GAL3ST1: variants seen among roughly 807,000 people sequenced by gnomAD.
The protein encoded by GAL3ST1 is galactose-3-O-sulfotransferase 1.
Under a neutral mutation model 25.0 loss-of-function variants are expected in GAL3ST1, and 13 were observed. That is an observed-to-expected ratio of 0.52 (90% CI 0.34 to 0.83). GAL3ST1 has a LOEUF of 0.83. Ranked by LOEUF, GAL3ST1 falls within the 40% of genes least tolerant of loss-of-function variation. The pLI is 0.02. For missense variants in GAL3ST1, 474 were observed against 613.6 expected (o/e 0.77, Z 2.40); for synonymous variants, 274 against 277.8 (o/e 0.99, Z 0.14).
chr22:30,573,022 C>A (rs1366910123), intron 1 of GAL3ST1, among the ~76,000 whole-genome samples: 1 of 152,150 alleles, frequency 6.6e-6, no homozygotes, highest in East Asian at 1.9e-4. Flanking sequence ...GGGGACCAGG[C>A]ATTCTCTGTC....
chr22:30,572,394 C>T (rs1045688132), intron 1 of GAL3ST1, among the ~76,000 whole-genome samples: 2 of 152,216 alleles, frequency 1.3e-5, no homozygotes, highest in Non-Finnish European at 2.9e-5. Flanking sequence ...CCACCACCCC[C>T]CAAGCTGGGT....
At chr22:30,565,432 C>G (rs2086592206) in intron 1 of GAL3ST1, among the ~76,000 whole-genome samples, 1 of 152,170 alleles carries the variant, frequency 6.6e-6, no homozygotes, top group African/African-American at 2.4e-5. Context: ...AACTCCAGGG[C>G]TTAAAGATGC....
intron 1 of GAL3ST1, among the ~76,000 whole-genome samples, chr22:30,567,205 C>T (rs747475250): frequency 6.6e-6 from 1 of 152,072 alleles, no homozygotes; most frequent in African/African-American, 2.4e-5. Flanking sequence ...ATTAAAAGAA[C>T]CCCAACCCCA....
chr22:30,568,509 T>A (rs2086690596), intron 1 of GAL3ST1, among the ~76,000 whole-genome samples: 1 of 152,160 alleles, frequency 6.6e-6, no homozygotes, highest in East Asian at 1.9e-4. Flanking sequence ...TCTTTGCATC[T>A]CCACCCACCA....
intron 3 of GAL3ST1, among the ~76,000 whole-genome samples, chr22:30,556,723 T>G (rs2086053316): frequency 1.3e-5 from 2 of 152,028 alleles, no homozygotes; most frequent in South Asian, 4.2e-4. Context: ...GCTCTGGGTT[T>G]TTTTTGTTTG....
chr22:30,570,929 G>C (rs895491173), intron 1 of GAL3ST1, among the ~76,000 whole-genome samples: 1 of 151,604 alleles, frequency 6.6e-6, no homozygotes, highest in Middle Eastern at 3.2e-3. Flanking sequence ...TAGCTCTCTG[G>C]GGAGTAAGCC....
intron 1 of GAL3ST1, among the ~76,000 whole-genome samples, chr22:30,562,250 C>T (rs2086454794): frequency 6.6e-6 from 1 of 152,094 alleles, no homozygotes; most frequent in South Asian, 2.1e-4. Flanking sequence ...AGATGGGGGT[C>T]TCACTCTACT....
intron 1 of GAL3ST1, among the ~76,000 whole-genome samples, chr22:30,561,925 A>T (rs1053700734): frequency 1.3e-5 from 2 of 152,196 alleles, no homozygotes; most frequent in Non-Finnish European, 2.9e-5. Flanking sequence ...ATGGACACAC[A>T]ACAGCAAGAT....
rs773707083 is a variant in GAL3ST1 at position 30,555,587 on chromosome 22, T to A, written c.638A>T (p.Tyr213Phe). 1.2e-6 allele frequency: 2 copies of A among 1,613,064 alleles called. No homozygotes were observed. Among genetic ancestry groups the A allele is most frequent in the Admixed American group, 3.3e-5 (2 of 59,986 alleles). Residue 213 changes from tyrosine (Y) to phenylalanine (F), a missense_variant, in exon 4 of 4, where the codon TAC (tyrosine) becomes TTC (phenylalanine). By Grantham distance (22) the Tyr-to-Phe change is conservative. Transcript: ENST00000406361. The surrounding 1 kb of genome is among the most constrained non-coding windows in gnomAD (Gnocchi z 8.6). ...GTCGAAGAAGAGCAGGTTTCGGAGGTAGTGGGCATTGAAGCCGTTGGGGTC... is the reference window on the plus strand; with the variant it reads ...GTCGAAGAAGAGCAGGTTTCGGAGGAAGTGGGCATTGAAGCCGTTGGGGTC... ...YYDPNGFNAH[Y>F]LRNLLFFDLG...
At chr22:30,566,414 C>T (rs2086625533) in intron 1 of GAL3ST1, among the ~76,000 whole-genome samples, 1 of 152,194 alleles carries the variant, frequency 6.6e-6, no homozygotes, top group South Asian at 2.1e-4. Context: ...CTTGTTATCA[C>T]CTCCATTTTA....
intron 1 of GAL3ST1, 101 bp from the exon 2 acceptor site, chr22:30,558,489 G>A (rs1052446462): frequency 2.0e-5 from 3 of 152,214 alleles, no homozygotes; most frequent in Non-Finnish European, 4.4e-5. Context: ...GCTGTCTATA[G>A]GGAAGGCCAA....
intron 1 of GAL3ST1, among the ~76,000 whole-genome samples, chr22:30,558,940 C>T (rs1454787892): frequency 6.6e-6 from 1 of 152,066 alleles, no homozygotes; most frequent in Non-Finnish European, 1.5e-5. Flanking sequence ...GGTGGATCAC[C>T]TGAGGTCAGG....
Position 30,566,827 on chromosome 22 carries a change from T to C in GAL3ST1, c.-120+7639A>G, listed in dbSNP as rs557849642. On this transcript the variant is annotated intron_variant, in intron 1 of 3. Coordinates refer to ENST00000406361, the MANE Select transcript of GAL3ST1 (RefSeq NM_001318104.2). ...GGTTTCACCGTGTTAGCCAGGATGG[T>C]CTCGATCTCCTGACCTCATGATCTG... Among the ~76,000 whole-genome samples, 11 of 152,274 alleles carry C rather than the reference T, an allele frequency of 7.2e-5. No individual in the cohort carries two copies. In the East Asian group the frequency reaches 1.4e-3, roughly 19 times the overall value.
chr22:30,572,252 G>A lies in GAL3ST1; in HGVS notation c.-120+2214C>T, dbSNP rs189689036. Among the ~76,000 whole-genome samples, 209 of 152,294 alleles carry A rather than the reference G, an allele frequency of 1.4e-3. 1 individual carries two copies. Among genetic ancestry groups the A allele is most frequent in the African/African-American group, 4.6e-3 (191 of 41,564 alleles). On this transcript the variant is annotated intron_variant, in intron 1 of 3. Coordinates refer to ENST00000406361, the MANE Select transcript of GAL3ST1 (RefSeq NM_001318104.2). ...AAATATTTTTTAAGGATTCTTATGC[G>A]CTTATTTGCCTAAAACTATGTAACA...
chr22:30,572,709 G>A (rs578120573), intron 1 of GAL3ST1: 3 of 152,424 alleles, frequency 2.0e-5, no homozygotes, highest in South Asian at 4.1e-4. Context: ...GCAGTCCCCA[G>A]CCTGATGACC....
At position 30,568,293 on chromosome 22, in the gene GAL3ST1, C is replaced by T. The variant is rs181752087; in HGVS notation, c.-120+6173G>A. Among the ~76,000 whole-genome samples the T allele has an allele frequency of 5.9e-5, 9 of 152,266 alleles. No individual in the cohort carries two copies. The East Asian group carries it at 1.2e-3, about 20-fold the overall frequency. On this transcript the variant is annotated intron_variant, in intron 1 of 3. Coordinates refer to ENST00000406361, the MANE Select transcript of GAL3ST1 (RefSeq NM_001318104.2). ...TCCAAAGACAGTCCCCTTTTTTCCA[C>T]GGCAGCACAGCTAGACTATATTTCC... is the stretch of plus-strand genomic sequence containing the variant.
rs75989276 is a variant in GAL3ST1 at position 30,570,857 on chromosome 22, G to C, written c.-120+3609C>G. ...TTTATGGAATAAACTTATTCATGTAGAGAAAAGTTGTACATTCGTACATGT... is the reference window on the plus strand; with the variant it reads ...TTTATGGAATAAACTTATTCATGTACAGAAAAGTTGTACATTCGTACATGT... On this transcript the variant is annotated intron_variant, in intron 1 of 3. Coordinates refer to ENST00000406361, the MANE Select transcript of GAL3ST1 (RefSeq NM_001318104.2). Among the ~76,000 whole-genome samples the C allele has an allele frequency of 8.7e-3, 1,328 of 152,048 alleles. 20 individuals are homozygous for C. Among genetic ancestry groups the C allele is most frequent in the African/African-American group, 0.031 (1,271 of 41,452 alleles).
At chr22:30,570,071 G>A (rs1381736012) in intron 1 of GAL3ST1, among the ~76,000 whole-genome samples, 3 of 152,170 alleles carry the variant, frequency 2.0e-5, no homozygotes, top group Admixed American at 6.5e-5. Context: ...GCAACAGTGT[G>A]AGACCCCATC....
At chr22:30,564,518 G>T (rs1840135186) in intron 1 of GAL3ST1, among the ~76,000 whole-genome samples, 1 of 152,160 alleles carries the variant, frequency 6.6e-6, no homozygotes, top group Non-Finnish European at 1.5e-5. Context: ...AGGCACTCAG[G>T]ATGGACGGTC....
Sources: allele counts gnomAD v4.1 joint callset (sites outside exome capture counted in the v4.1 genomes callset), GRCh38; gene constraint gnomAD v4.1.1; non-coding constraint Gnocchi (gnomAD v3.1); transcripts MANE v1.5; gene names NCBI Gene and HGNC (gene_info 2026-07-23, HGNC 2026-07-21).